Variants in CHUK observed in about 807,000 individuals in gnomAD.
CHUK encodes component of inhibitor of nuclear factor kappa B kinase complex, also known as inhibitor of nuclear factor kappa-B kinase subunit alpha.
A neutral mutation model predicts 104.8 loss-of-function variants in CHUK; 35 were observed. The ratio of observed to expected loss-of-function variants is 0.33; its 90% confidence interval spans 0.26 to 0.44. The LOEUF (loss-of-function observed/expected upper bound fraction) is 0.44, where lower values mean the gene tolerates loss of function less well. CHUK is among the 20% of genes least tolerant of loss of function. The pLI is 1.00. For synonymous variants in CHUK, 276 were observed against 291.9 expected (o/e 0.95, Z 0.56); for missense variants, 663 against 902.7 (o/e 0.73, Z 3.40).
chr10:100,196,328 A>G (rs940790381), intron 16 of CHUK, among the ~76,000 whole-genome samples: 3 of 151,798 alleles, frequency 2.0e-5, no homozygotes, highest in Non-Finnish European at 4.4e-5. Flanking sequence ...CAAAAAATTA[A>G]TATTACTGTT....
chr10:100,220,170 C>CT (rs1182947618), intron 5 of CHUK, among the ~76,000 whole-genome samples: 1 of 151,528 alleles, frequency 6.6e-6, no homozygotes, highest in Non-Finnish European at 1.5e-5. Flanking sequence ...TATATACTTT[C>CT]TTTTTTTTCT....
intron 11 of CHUK, among the ~76,000 whole-genome samples, chr10:100,206,502 A>G (rs1845594809): frequency 1.3e-5 from 2 of 152,130 alleles, no homozygotes; most frequent in Non-Finnish European, 2.9e-5. Context: ...TTAGTAAAAT[A>G]GTAATAAAGT....
At chr10:100,212,992 C>T (rs1845763547) in intron 9 of CHUK, among the ~76,000 whole-genome samples, 1 of 108,140 alleles carries the variant, frequency 9.2e-6, no homozygotes, top group Admixed American at 1.1e-4. Flanking sequence ...CAGAGTGAGA[C>T]TTTGTCTCAA....
At chr10:100,213,011 AAAAAG>A (rs1257720704) in intron 9 of CHUK, among the ~76,000 whole-genome samples, 2 of 151,798 alleles carry the variant, frequency 1.3e-5, no homozygotes, top group Non-Finnish European at 2.9e-5. Flanking sequence ...AAAAAAAAAA[AAAAAG>A]AAAGAAGAAA....
At chr10:100,210,254 A>G (rs571095716) in intron 9 of CHUK, among the ~76,000 whole-genome samples, 153 of 150,098 alleles carry the variant, frequency 1.0e-3, no homozygotes, top group Non-Finnish European at 1.9e-3. Context: ...CGCCCGGCTA[A>G]TTTTTTGTAT....
chr10:100,203,272 C>T (rs1357460355), intron 13 of CHUK, among the ~76,000 whole-genome samples: 1 of 151,984 alleles, frequency 6.6e-6, no homozygotes, highest in Non-Finnish European at 1.5e-5. Flanking sequence ...CAACTAAAGA[C>T]TTAGGTGATC....
chr10:100,191,340 T>A (rs1428399812), intron 19 of CHUK, among the ~76,000 whole-genome samples: 6 of 152,242 alleles, frequency 3.9e-5, no homozygotes, highest in African/African-American at 1.4e-4. Context: ...ATACTTCTCT[T>A]TCCTTAAAAG....
chr10:100,216,159 C>A (rs1423828939), intron 9 of CHUK, among the ~76,000 whole-genome samples: 1 of 152,168 alleles, frequency 6.6e-6, no homozygotes, highest in Non-Finnish European at 1.5e-5. Flanking sequence ...TAACAAGAGG[C>A]TCACAGATGC....
chr10:100,216,578 C>T (rs1383368958), intron 9 of CHUK, among the ~76,000 whole-genome samples: 1 of 152,178 alleles, frequency 6.6e-6, no homozygotes, highest in African/African-American at 2.4e-5. Context: ...GTGGCGCACA[C>T]CTGTAGTCCC....
At chr10:100,221,925 C>T (rs890937059) in intron 4 of CHUK, among the ~76,000 whole-genome samples, 187 bp downstream of exon 4, 26 of 152,150 alleles carry the variant, frequency 1.7e-4, no homozygotes, top group Admixed American at 3.9e-4. Context: ...CGTGAGCCAC[C>T]GCACCTAGCC....
intron 12 of CHUK, 31 bp from the exon 13 acceptor site, chr10:100,204,688 A>G (rs761591030): frequency 1.9e-6 from 3 of 1,544,812 alleles, no homozygotes; most frequent in South Asian, 1.1e-5. Context: ...AAAGAAAAAG[A>G]AAAAAGATAT....
intron 1 of CHUK, among the ~76,000 whole-genome samples, chr10:100,228,551 G>T (rs1846155927): frequency 6.6e-6 from 1 of 151,938 alleles, no homozygotes; most frequent in African/African-American, 2.4e-5. Flanking sequence ...AGCTACTCAG[G>T]AGGCTGTGGC....
At chr10:100,198,672 A>T (rs751999345) in intron 16 of CHUK, among the ~76,000 whole-genome samples, 5 of 152,224 alleles carry the variant, frequency 3.3e-5, no homozygotes, top group African/African-American at 4.8e-5. Flanking sequence ...TGGTCAGACT[A>T]AACTGAATAC....
chr10:100,187,512 C>T (rs561446171), downstream of CHUK: 2 of 152,166 alleles, frequency 1.3e-5, no homozygotes, highest in African/African-American at 2.4e-5. Context: ...TGGAAAATAA[C>T]TTGCTCCATA....
At chr10:100,192,801 C>T in intron 19 of CHUK, 1 of 879,126 alleles carries the variant, frequency 1.1e-6, no homozygotes, top group Non-Finnish European at 1.4e-6. Context: ...ATTTAAAACA[C>T]TGAAAAAAGT....
intron 18 of CHUK, chr10:100,193,685 G>A: frequency 1.7e-6 from 1 of 596,818 alleles, no homozygotes; most frequent in South Asian, 2.0e-5. Flanking sequence ...AAAAAACCCA[G>A]TTGAATAGAT....
At chr10:100,207,176 C>T (rs766276032) in intron 11 of CHUK, 54 bp downstream of exon 11, 2 of 861,482 alleles carry the variant, frequency 2.3e-6, no homozygotes, top group Non-Finnish European at 4.0e-6. Context: ...TACTGAGAGT[C>T]AAAGTTATAT....
Position 100,218,444 on chromosome 10 carries a change from T to C in CHUK, c.797+274A>G, listed in dbSNP as rs17884034. On this transcript the variant is annotated intron_variant, in intron 8 of 20. Coordinates refer to ENST00000370397, the MANE Select transcript of CHUK (RefSeq NM_001278.5). ...ATATGTCAAACAGTTAAATGGCAGT[T>C]CTTGTTTCCACCAGACCTGTGCTGT... 9.5e-3 allele frequency among the ~76,000 whole-genome samples: 1,446 copies of C among 152,346 alleles called. 29 individuals are homozygous for C. The highest frequency in any genetic ancestry group is 0.033 in the African/African-American group (1,368 of 41,568).
chr10:100,223,175 C>T (rs553258568), intron 2 of CHUK, among the ~76,000 whole-genome samples, 195 bp from the exon 3 acceptor site: 119 of 152,278 alleles, frequency 7.8e-4, no homozygotes, highest in African/African-American at 2.7e-3. Flanking sequence ...AATACCATCA[C>T]TATTACTACT....
Sources: gnomAD v4.1 joint callset for allele counts (sites outside exome capture counted in the v4.1 genomes callset) on GRCh38, gnomAD v4.1.1 for gene constraint, MANE v1.5 for transcripts, NCBI Gene and HGNC (gene_info 2026-07-23, HGNC 2026-07-21) for gene names.